Variants in PLCB4 observed in about 807,000 individuals in gnomAD.
PLCB4 encodes the protein 1-phosphatidylinositol 4,5-bisphosphate phosphodiesterase beta-4.
PLCB4 carries 77 observed loss-of-function variants against 178.8 expected under a neutral mutation model. The ratio of observed to expected loss-of-function variants is 0.43; its 90% CI spans 0.36 to 0.52. PLCB4 has a LOEUF of 0.52. PLCB4 is among the 20% of genes least tolerant of loss of function. The pLI is 0.00. For missense variants in PLCB4, 1,024 were observed against 1,453.4 expected, an observed-to-expected ratio of 0.70 and a Z score of 4.80; for synonymous variants, 496 against 490.8, an observed-to-expected ratio of 1.01 and a Z score of -0.14.
At position 9,421,395 on chromosome 20, in the gene PLCB4, A is replaced by G; in HGVS notation, c.2253A>G (p.Arg751=). The G allele has an allele frequency of 6.2e-7, 1 of 1,613,982 alleles. No homozygotes were observed. The highest frequency in any genetic ancestry group is 8.5e-7 in the Non-Finnish European group (1 of 1,179,876). The change falls in exon 27 of 40, where the codon CGA becomes CGG. Residue 751 remains arginine, a synonymous_variant. Coordinates refer to ENST00000378473, the MANE Select transcript of PLCB4 (RefSeq NM_001377142.1). ...CTGACACCATACGTAAGGAATTCCG[A>G]ACTCGCATGGTTATGAATAATGGAC... is the stretch of plus-strand genomic sequence containing the variant. The part of the protein sequence containing the change: ...LPTDTIRKEF[R]TRMVMNNGLN...
chr20:9,411,860 G>A (rs372546374), intron 25 of PLCB4, among the ~76,000 whole-genome samples: 5 of 152,222 alleles, frequency 3.3e-5, no homozygotes, highest in African/African-American at 1.2e-4. Flanking sequence ...AAACTATCCC[G>A]TCATAATGAT....
At chr20:9,363,900 C>T (rs759530979) in intron 8 of PLCB4, among the ~76,000 whole-genome samples, 9 of 152,228 alleles carry the variant, frequency 5.9e-5, no homozygotes, top group Non-Finnish European at 1.0e-4. Flanking sequence ...ACTGTCATGT[C>T]TTATCTTCTG....
chr20:9,377,951 C>T (rs67083201), intron 12 of PLCB4, among the ~76,000 whole-genome samples: 15,467 of 152,146 alleles, frequency 0.1, 1,883 homozygotes, highest in African/African-American at 0.28. Flanking sequence ...ATAGGTTCCA[C>T]CCCAGAGATC....
chr20:9,324,596 G>A (rs913878221), intron 4 of PLCB4, among the ~76,000 whole-genome samples: 1 of 152,230 alleles, frequency 6.6e-6, no homozygotes, highest in African/African-American at 2.4e-5. Context: ...CTCAGGGTAA[G>A]AGGTCCTCAG....
intron 2 of PLCB4, among the ~76,000 whole-genome samples, chr20:9,132,014 G>T (rs1377798238): frequency 6.6e-6 from 1 of 152,150 alleles, no homozygotes; most frequent in Non-Finnish European, 1.5e-5. Context: ...GCAGTCTATT[G>T]AGTGACCTCA....
intron 32 of PLCB4, among the ~76,000 whole-genome samples, chr20:9,447,157 T>C (rs1043731781): frequency 1.3e-5 from 2 of 152,230 alleles, no homozygotes; most frequent in Non-Finnish European, 2.9e-5. Context: ...AGGAGTACTA[T>C]AATTATATGA....
rs112960134 is a variant in PLCB4 at position 9,454,771 on chromosome 20, C to T, written c.2996+1309C>T. Among the ~76,000 whole-genome samples, 1,036 of 152,192 alleles carry T rather than the reference C, an allele frequency of 6.8e-3. 14 individuals are homozygous for T. Among genetic ancestry groups the T allele is most frequent in the African/African-American group, 0.023 (970 of 41,510 alleles). On this transcript the variant is annotated intron_variant, in intron 33 of 39. Transcript: ENST00000378473. ...GAGTAAATGGTGGGTAACTAAAATG[C>T]CTGCCCTGGTATCAGGCCTCACTAT...
intron 2 of PLCB4, among the ~76,000 whole-genome samples, chr20:9,159,555 C>A (rs1299058303): frequency 6.6e-6 from 1 of 152,134 alleles, no homozygotes; most frequent in Non-Finnish European, 1.5e-5. Context: ...ATCAGTTGAA[C>A]AATAAGTTAA....
At chr20:9,296,467 A>G (rs2147797330) in intron 3 of PLCB4, among the ~76,000 whole-genome samples, 1 of 152,334 alleles carries the variant, frequency 6.6e-6, no homozygotes, top group East Asian at 1.9e-4. Context: ...TCAGGGATCT[A>G]GAACTAGAAA....
intron 2 of PLCB4, among the ~76,000 whole-genome samples, chr20:9,117,765 G>C (rs1243735083): frequency 6.6e-6 from 1 of 152,130 alleles, no homozygotes; most frequent in Non-Finnish European, 1.5e-5. Flanking sequence ...TGCATTGGCA[G>C]CTCCCCCTGC....
chr20:9,463,142 C>T (rs941245114), intron 35 of PLCB4, among the ~76,000 whole-genome samples: 2 of 152,114 alleles, frequency 1.3e-5, no homozygotes, highest in Non-Finnish European at 2.9e-5. Flanking sequence ...ATTTTCAACC[C>T]AGAATTTCAT....
In PLCB4 at chr20:9,370,570, G is replaced by A. The variant is rs144035931; in HGVS notation, c.504-644G>A. On this transcript the variant is annotated intron_variant, in intron 9 of 39. Transcript: ENST00000378473. ...CTGCCACATTCCTTTTTCATAAGAA[G>A]GCAATTTGGTAGCATCAGAATTTAT... Among the ~76,000 whole-genome samples the A allele has an allele frequency of 1.0e-3, 153 of 152,172 alleles. 2 individuals are homozygous for A. The Middle Eastern group carries it at 0.014, about 14-fold the overall frequency.
intron 19 of PLCB4, among the ~76,000 whole-genome samples, chr20:9,397,196 G>A (rs2148445964): frequency 6.6e-6 from 1 of 152,296 alleles, no homozygotes; most frequent in East Asian, 1.9e-4. Context: ...TTTACCTGGA[G>A]TAGATTCCAT....
At chr20:9,407,889 TTA>T (rs1431088973) in intron 21 of PLCB4, 26 bp from the exon 22 acceptor site, 5 of 1,598,780 alleles carry the variant, frequency 3.1e-6, no homozygotes, top group South Asian at 2.3e-5. Context: ...AGTCATCAAC[TTA>T]TATGTTTTCT....
intron 35 of PLCB4, among the ~76,000 whole-genome samples, chr20:9,461,575 G>T (rs2043395361): frequency 6.6e-6 from 1 of 152,208 alleles, no homozygotes; most frequent in East Asian, 1.9e-4. Context: ...TTTTCCCAAG[G>T]TCTTAGCAAC....
At chr20:9,372,183 G>T (rs1312240946) in intron 10 of PLCB4, 120 bp from the exon 11 acceptor site, 2 of 610,488 alleles carry the variant, frequency 3.3e-6, no homozygotes, top group Non-Finnish European at 5.9e-6. Context: ...CTGTCAGCAG[G>T]AATCAGAGAT....
intron 38 of PLCB4, among the ~76,000 whole-genome samples, chr20:9,473,586 T>G (rs2044335920): frequency 1.3e-5 from 2 of 152,122 alleles, no homozygotes; most frequent in Non-Finnish European, 2.9e-5. Flanking sequence ...AAAGAATATT[T>G]GGATAAATTA....
rs1489417610 is a variant in PLCB4 at position 9,393,643 on chromosome 20, TA to T, written c.1385del (p.Asn462ThrfsTer4). 1 of 1,612,196 alleles carries T rather than the reference TA, an allele frequency of 6.2e-7. No homozygotes were observed. The highest frequency in any genetic ancestry group is 1.7e-5 in the Admixed American group (1 of 59,900). On this transcript the variant is annotated frameshift_variant, in exon 18 of 40. Transcript: ENST00000378473. LOFTEE classifies it high-confidence loss of function. ...AATGACCTCAAAAGAAAAATACTCA[TA>T]AAAAACAAGCGGCTGAAACCTGAAG... ...SPNDLKRKIL[I>X]KNKRLKPEVE...
At chr20:9,372,825 T>A (rs2036368166) in intron 11 of PLCB4, among the ~76,000 whole-genome samples, 1 of 152,080 alleles carries the variant, frequency 6.6e-6, no homozygotes, top group Non-Finnish European at 1.5e-5. Flanking sequence ...AATTGCAGAC[T>A]TTTTCTGTGA....
Sources: allele counts gnomAD v4.1 joint callset (sites outside exome capture counted in the v4.1 genomes callset), GRCh38; gene constraint gnomAD v4.1.1; transcripts MANE v1.5; gene names NCBI Gene and HGNC (gene_info 2026-07-23, HGNC 2026-07-21).